Variants in TDRD1 observed in about 807,000 individuals in gnomAD.
The protein encoded by TDRD1 is tudor domain containing 1.
Under a neutral mutation model 140.6 loss-of-function variants are expected in TDRD1, and 37 were observed. The observed-to-expected ratio is 0.26, with a 90% CI of 0.20 to 0.35. The LOEUF (loss-of-function observed/expected upper bound fraction) is 0.35, where lower values mean the gene tolerates loss of function less well. Ranked by LOEUF, TDRD1 falls within the 10% of genes least tolerant of loss-of-function variation. TDRD1 has a pLI of 1.00. For missense variants in TDRD1, 1,243 were observed against 1,393.0 expected, an observed-to-expected ratio of 0.89 and a Z score of 1.71; for synonymous variants, 506 against 475.7, an observed-to-expected ratio of 1.06 and a Z score of -0.83.
Position 114,201,581 on chromosome 10 carries a change from A to G in TDRD1, c.635+66A>G. 3 of 1,380,356 alleles carry G rather than the reference A, an allele frequency of 2.2e-6. No homozygotes were observed. The South Asian group carries it at 3.6e-5, about 17-fold the overall frequency. 85.5% of individuals were successfully genotyped at this position (1,380,356 alleles called of 1,614,324 possible). On this transcript the variant is annotated intron_variant, in intron 5 of 25. Coordinates refer to ENST00000251864, the Ensembl canonical transcript of TDRD1. Reference sequence around the variant, plus strand: ...AAAGGTTCTGATACAATAAGCGTCCAATTAGTTAAGCAGACCACAACCAAG... The same window carrying G: ...AAAGGTTCTGATACAATAAGCGTCCGATTAGTTAAGCAGACCACAACCAAG...
chr10:114,194,715 G>A (rs1042726392), intron 3 of TDRD1, among the ~76,000 whole-genome samples: 1 of 142,950 alleles, frequency 7.0e-6, no homozygotes, highest in African/African-American at 2.6e-5. Flanking sequence ...TTTTGTCATT[G>A]TTTGGGGGTT....
intron 11 of TDRD1, among the ~76,000 whole-genome samples, chr10:114,209,674 T>C (rs2035357410): frequency 6.6e-6 from 1 of 152,216 alleles, no homozygotes; most frequent in African/African-American, 2.4e-5. Flanking sequence ...TGAGAGGTCA[T>C]TCCTAGATAT....
chr10:114,210,923 A>G (rs1399344626), exon 13 of TDRD1: 1 of 1,614,116 alleles, frequency 6.2e-7, no homozygotes, highest in Admixed American at 1.7e-5. Context: ...CCACGCTCTG[A>G]TTTTTATCCA....
At chr10:114,232,504 C>CTTT (rs140805425), downstream of TDRD1, among the ~76,000 whole-genome samples, 8 of 81,678 alleles carry the variant, frequency 9.8e-5, 1 homozygote, top group African/African-American at 3.4e-4. Context: ...ACTTGAAAGA[C>CTTT]TTTTTTTTTT....
intron 3 of TDRD1, among the ~76,000 whole-genome samples, chr10:114,197,376 T>G: frequency 6.6e-6 from 1 of 152,232 alleles, no homozygotes; most frequent in Non-Finnish European, 1.5e-5. Flanking sequence ...GTTTTGTATT[T>G]TTGTTATACT....
chr10:114,185,074 A>G (rs988513861), intron 1 of TDRD1, among the ~76,000 whole-genome samples: 2 of 152,204 alleles, frequency 1.3e-5, no homozygotes, highest in African/African-American at 4.8e-5. Flanking sequence ...TCTAAGATAG[A>G]TGTGTCCTAA....
intron 3 of TDRD1, among the ~76,000 whole-genome samples, chr10:114,197,677 T>C (rs1473650710): frequency 7.5e-6 from 1 of 133,350 alleles, no homozygotes; most frequent in African/African-American, 3.1e-5. Context: ...TTTTTTTTTT[T>C]GATTGAGTCT....
intron 5 of TDRD1, 63 bp from the exon 6 acceptor site, chr10:114,202,175 T>G: frequency 7.8e-7 from 1 of 1,282,534 alleles, no homozygotes; most frequent in Non-Finnish European, 1.1e-6. Flanking sequence ...ATAATTGTGG[T>G]TGATAGCCCC....
At chr10:114,187,302 T>A (rs2033613602) in intron 1 of TDRD1, among the ~76,000 whole-genome samples, 1 of 151,996 alleles carries the variant, frequency 6.6e-6, no homozygotes, top group Non-Finnish European at 1.5e-5. Context: ...TCAGCTGAGA[T>A]GGATTGTGAA....
chr10:114,192,586 G>T (rs926329363), intron 3 of TDRD1, among the ~76,000 whole-genome samples: 1 of 152,144 alleles, frequency 6.6e-6, no homozygotes, highest in Admixed American at 6.5e-5. Context: ...GATTACAGGC[G>T]TGAGCCACCA....
intron 7 of TDRD1, 47 bp from the exon 8 acceptor site, chr10:114,203,341 C>A: frequency 6.5e-7 from 1 of 1,545,164 alleles, no homozygotes; most frequent in South Asian, 1.3e-5. Context: ...ATTTACATTT[C>A]CTTGTGTGCC....
At chr10:114,219,413 ATAAG>A (rs1463625509) in intron 18 of TDRD1, among the ~76,000 whole-genome samples, 2 of 152,178 alleles carry the variant, frequency 1.3e-5, no homozygotes, top group Non-Finnish European at 2.9e-5. Flanking sequence ...AATAGAATAT[ATAAG>A]AGAATGTGTG....
rs2034934672 is a variant in TDRD1 at position 114,203,959 on chromosome 10, T to A, written c.982-114T>A. 2.4e-6 allele frequency: 3 copies of A among 1,226,870 alleles called. No individual in the cohort carries two copies. In the South Asian group the frequency reaches 4.3e-5, roughly 17 times the overall value. The allele number at this position is 1,226,870 out of a possible 1,614,324, so 76.0% of individuals were successfully genotyped here. On this transcript the variant is annotated intron_variant, in intron 8 of 25. Coordinates refer to ENST00000251864, the Ensembl canonical transcript of TDRD1. ...AAATTAAGTTGGCTTATTAATTGAGTGCCTCAGAACAGGAGCCTTTCCTTT... is the reference window on the plus strand; with the variant it reads ...AAATTAAGTTGGCTTATTAATTGAGAGCCTCAGAACAGGAGCCTTTCCTTT...
chr10:114,204,319 T>C, intron 9 of TDRD1, 103 bp downstream of exon 9: 1 of 1,237,912 alleles, frequency 8.1e-7, no homozygotes, highest in Non-Finnish European at 1.1e-6. Flanking sequence ...GCTGTGTTAC[T>C]GTACCTGTAC....
chr10:114,180,565 A>C (rs1334009257), intron 1 of TDRD1, among the ~76,000 whole-genome samples: 2 of 152,178 alleles, frequency 1.3e-5, no homozygotes, highest in African/African-American at 4.8e-5. Context: ...TCCCGGGTTC[A>C]AGCGATTCTC....
intron 3 of TDRD1, among the ~76,000 whole-genome samples, chr10:114,198,960 G>A (rs1438613580): frequency 6.6e-6 from 1 of 152,122 alleles, no homozygotes; most frequent in Admixed American, 6.5e-5. Context: ...CACTCTTTGG[G>A]TCTCCAGGTT....
In TDRD1 at chr10:114,190,857, G is replaced by T. The variant is rs112464375; in HGVS notation, c.326-104G>T. 1,225 of 1,073,706 alleles carry T rather than the reference G, an allele frequency of 1.1e-3. 11 individuals are homozygous for T. In the African/African-American group the frequency reaches 0.017, roughly 15 times the overall value. 66.5% of individuals were successfully genotyped at this position (1,073,706 alleles called of 1,614,324 possible). A position where few individuals can be genotyped will look rare whatever the true frequency, so the allele number is the denominator to read the frequency against. On this transcript the variant is annotated intron_variant, in intron 2 of 25. Transcript: ENST00000251864. Reference sequence around the variant, plus strand: ...CTGGTGTAGCTATAAGGTCATTGTGGTATAGCCCTGTTACTTGAATATCAC... The same window carrying T: ...CTGGTGTAGCTATAAGGTCATTGTGTTATAGCCCTGTTACTTGAATATCAC...
chr10:114,203,023 GA>G (rs2132973881), intron 6 of TDRD1, 48 bp from the exon 7 acceptor site: 2 of 1,276,144 alleles, frequency 1.6e-6, no homozygotes, highest in East Asian at 4.6e-5. Context: ...TAGAATCATT[GA>G]AACATGTGCT....
At chr10:114,210,614 A>G in exon 12 of TDRD1, 1 of 1,600,158 alleles carries the variant, frequency 6.2e-7, no homozygotes, top group Non-Finnish European at 8.6e-7. Context: ...ATGACAACTG[A>G]AAACAACATT....
Sources: allele counts gnomAD v4.1 joint callset (sites outside exome capture counted in the v4.1 genomes callset), GRCh38; gene constraint gnomAD v4.1.1; transcripts MANE v1.5; gene names NCBI Gene and HGNC (gene_info 2026-07-23, HGNC 2026-07-21).